Variants in TIMM50 observed in about 807,000 individuals in gnomAD.
TIMM50 encodes the protein mitochondrial import inner membrane translocase subunit TIM50.
In TIMM50, 34 loss-of-function variants were observed where a neutral mutation model predicts 49.6. The ratio of observed to expected loss-of-function variants is 0.69; its 90% CI spans 0.52 to 0.91. The LOEUF is 0.91. Among genes scored for constraint, TIMM50 ranks in the 40% least tolerant of loss-of-function variants. The pLI, the probability that TIMM50 is intolerant of heterozygous loss-of-function variation, is 0.00. For missense variants in TIMM50, 458 were observed against 477.8 expected (o/e 0.96, Z 0.39); for synonymous variants, 199 against 198.4 (o/e 1.00, Z -0.03).
At chr19:39,482,139 G>A (rs1165500788) in intron 2 of TIMM50, 106 bp downstream of exon 2, 4 of 1,440,404 alleles carry the variant, frequency 2.8e-6, no homozygotes, top group African/African-American at 2.8e-5. Context: ...TTCATTCCCT[G>A]GCTCCTTCCT....
chr19:39,481,846 C>T (rs1300698009), intron 1 of TIMM50, 37 bp from the exon 2 acceptor site: 1 of 1,600,268 alleles, frequency 6.2e-7, no homozygotes, highest in Non-Finnish European at 8.5e-7. Flanking sequence ...CCTGACCTCT[C>T]TTCTCTCTTG....
At chr19:39,482,782 T>C in intron 2 of TIMM50, 103 bp from the exon 3 acceptor site, 2 of 1,520,508 alleles carry the variant, frequency 1.3e-6, no homozygotes, top group Admixed American at 1.7e-5. Flanking sequence ...TGTGCCTCTC[T>C]CTTTCCTCAG....
chr19:39,482,254 C>G (rs924618071), intron 2 of TIMM50, among the ~76,000 whole-genome samples: 2 of 152,152 alleles, frequency 1.3e-5, no homozygotes, highest in Non-Finnish European at 2.9e-5. Context: ...GTTCCTGTAC[C>G]AGGATAAAGG....
In TIMM50 at chr19:39,490,584, G is replaced by T. The variant is rs1323703103; in HGVS notation, c.*764G>T. On this transcript the variant is annotated 3_prime_UTR_variant, in exon 11 of 11. Coordinates refer to ENST00000607714, the MANE Select transcript of TIMM50 (RefSeq NM_001001563.5). ...AAACAAATTTTTTTTTTGTAGAGATGGGGTCTTGGTGCCCAAGCTGGTCTC... is the reference window on the plus strand; with the variant it reads ...AAACAAATTTTTTTTTTGTAGAGATTGGGTCTTGGTGCCCAAGCTGGTCTC... 6.6e-6 allele frequency: 1 copy of T among 151,750 alleles called. No homozygotes were observed. Among genetic ancestry groups the T allele is most frequent in the African/African-American group, 2.4e-5 (1 of 41,284 alleles). 9.4% of individuals were successfully genotyped at this position (151,750 alleles called of 1,614,324 possible).
intron 10 of TIMM50, among the ~76,000 whole-genome samples, chr19:39,489,448 C>G (rs942823837): frequency 6.6e-6 from 1 of 152,070 alleles, no homozygotes; most frequent in Admixed American, 6.6e-5. Flanking sequence ...CCTCGAGTGC[C>G]TAGTATTGGA....
At chr19:39,488,266 T>G (rs778187767) in intron 9 of TIMM50, 49 bp downstream of exon 9, 11 of 1,571,040 alleles carry the variant, frequency 7.0e-6, no homozygotes, top group Non-Finnish European at 9.5e-6. Flanking sequence ...AGCCCCTGAC[T>G]CTGAAGAGGA....
intron 4 of TIMM50, among the ~76,000 whole-genome samples, chr19:39,483,801 T>C (rs1307319499): frequency 6.6e-6 from 1 of 152,210 alleles, no homozygotes; most frequent in Admixed American, 6.5e-5. Context: ...CATCTGCAGT[T>C]TTAAAGTGTA....
chr19:39,482,903 A>C lies in TIMM50; in HGVS notation c.278A>C (p.Glu93Ala). 6.2e-7 allele frequency: 1 copy of C among 1,614,108 alleles called. No homozygotes were observed. Among genetic ancestry groups the C allele is most frequent in the African/African-American group, 1.3e-5 (1 of 75,040 alleles). Residue 93 changes from glutamate to alanine, a missense_variant, in exon 3 of 11, where the codon GAA becomes GCA. By Grantham distance (107) the Glu-to-Ala change is moderately radical. Coordinates refer to ENST00000607714, the MANE Select transcript of TIMM50 (RefSeq NM_001001563.5). ...VYIFGNNPVD[E>A]NGAKIPDEFD... ...CTTGCAGGAAACAACCCGGTGGACG[A>C]AAATGGTGCCAAGGTGAGGGGGAAA...
Position 39,492,619 on chromosome 19 carries a change from C to T in TIMM50, c.*2799C>T, listed in dbSNP as rs2079553088. 1.3e-5 allele frequency: 2 copies of T among 151,854 alleles called. No homozygotes were observed. The allele number at this position is 151,854 out of a possible 1,614,324, so 9.4% of individuals were successfully genotyped here. Reference sequence around the variant, plus strand: ...CGGTGGCTCACCCCTATAATCCCAGCACTTTGGGAGACCGAGGCGGGTGGA... The same window carrying T: ...CGGTGGCTCACCCCTATAATCCCAGTACTTTGGGAGACCGAGGCGGGTGGA... On this transcript the variant is annotated 3_prime_UTR_variant, in exon 11 of 11. Coordinates refer to ENST00000607714, the MANE Select transcript of TIMM50 (RefSeq NM_001001563.5).
At chr19:39,481,740 A>G (rs2079473267) in intron 1 of TIMM50, 143 bp from the exon 2 acceptor site, 2 of 1,073,372 alleles carry the variant, frequency 1.9e-6, no homozygotes, top group Non-Finnish European at 2.7e-6. Context: ...CCACATCCTG[A>G]CTGCTACTCC....
rs556091965 is a variant in TIMM50, at chr19:39,486,288, C to T, written c.594C>T (p.Gly198=). ...TTGTCATCTTTACGTCAGAGACTGG[C>T]ATGGTGAGGCTCTGGGGCAGGGGAG... is the stretch of plus-strand genomic sequence containing the variant. ...YEIVIFTSET[G]MTAFPLIDSV... The change falls in exon 7 of 11, where the codon GGC becomes GGT. Residue 198 remains glycine, a synonymous_variant. Coordinates refer to ENST00000607714, the MANE Select transcript of TIMM50 (RefSeq NM_001001563.5). The T allele has an allele frequency of 6.2e-7, 1 of 1,614,110 alleles. No homozygotes were observed. Among genetic ancestry groups the T allele is most frequent in the African/African-American group, 1.3e-5 (1 of 75,016 alleles).
At position 39,485,753 on chromosome 19, in the gene TIMM50, A is replaced by C. The variant is rs1045881384; in HGVS notation, c.438A>C (p.Pro146=). Residue 146 remains proline (P), a synonymous_variant, in exon 6 of 11, where the codon CCA becomes CCC. Coordinates refer to ENST00000607714, the MANE Select transcript of TIMM50 (RefSeq NM_001001563.5). ...CTCTGCAGGAACCGTACTACCAGCCACCCTACACGCTCGTTTTGGAGCTCA... is the reference window on the plus strand; with the variant it reads ...CTCTGCAGGAACCGTACTACCAGCCCCCCTACACGCTCGTTTTGGAGCTCA... ...PDPLQEPYYQ[P]PYTLVLELTG... The C allele has an allele frequency of 6.2e-7, 1 of 1,613,560 alleles. No homozygotes were observed.
chr19:39,481,950 G>A lies in TIMM50; in HGVS notation c.176G>A (p.Gly59Asp), dbSNP rs765647335. 4 of 1,614,090 alleles carry A rather than the reference G, an allele frequency of 2.5e-6. No individual in the cohort carries two copies. The African/African-American group carries it at 4.0e-5, about 16-fold the overall frequency. The change falls in exon 2 of 11, where the codon GGT becomes GAT. Residue 59 changes from glycine to aspartate, a missense_variant. Gly to Asp is a moderately conservative substitution (Grantham distance 94). Transcript: ENST00000607714. ...QGPQQQPGSE[G>D]PSYAKKVALW... ...CCACAGCAGCAGCCGGGCTCAGAGG[G>A]TCCCAGCTATGCCAAAAAAGTTGCG... is the stretch of plus-strand genomic sequence containing the variant.
intron 1 of TIMM50, 84 bp from the exon 2 acceptor site, chr19:39,481,799 G>A: frequency 1.3e-6 from 2 of 1,527,396 alleles, no homozygotes; most frequent in Non-Finnish European, 1.8e-6. Flanking sequence ...CTTGGCTCCT[G>A]AACTTGATTC....
intron 2 of TIMM50, 62 bp downstream of exon 2, chr19:39,482,095 C>T (rs1276584779): frequency 3.2e-6 from 5 of 1,575,046 alleles, no homozygotes; most frequent in Admixed American, 1.7e-5. Context: ...ACTGTGGAAC[C>T]TCCCACTCTT....
At chr19:39,485,502 G>T (rs569012356) in intron 4 of TIMM50, 42 bp from the exon 5 acceptor site, 1 of 1,613,632 alleles carries the variant, frequency 6.2e-7, no homozygotes, top group Non-Finnish European at 8.5e-7. Flanking sequence ...AGGTTGAACA[G>T]CGGCTTATTG....
chr19:39,489,574 C>A, intron 10 of TIMM50, 145 bp from the exon 11 acceptor site: 1 of 782,404 alleles, frequency 1.3e-6, no homozygotes, highest in Non-Finnish European at 2.0e-6. Context: ...GCTGGGGGCC[C>A]CAGGGTTTGG....
At chr19:39,483,095 C>G in intron 3 of TIMM50, 40 bp from the exon 4 acceptor site, 1 of 1,614,072 alleles carries the variant, frequency 6.2e-7, no homozygotes, top group Non-Finnish European at 8.5e-7. Flanking sequence ...GGTTCTGCCT[C>G]TGACATCCTA....
At chr19:39,481,133 G>A in intron 1 of TIMM50, 172 bp downstream of exon 1, 1 of 875,640 alleles carries the variant, frequency 1.1e-6, no homozygotes, top group African/African-American at 1.8e-5. Flanking sequence ...CTAGGCTGGA[G>A]GCTGGGAATC....
Sources: allele counts gnomAD v4.1 joint callset (sites outside exome capture counted in the v4.1 genomes callset), GRCh38; gene constraint gnomAD v4.1.1; transcripts MANE v1.5; gene names NCBI Gene and HGNC (gene_info 2026-07-23, HGNC 2026-07-21).